EEF1AKMT4: variants seen among roughly 807,000 people sequenced by gnomAD.
EEF1AKMT4 encodes EEF1A lysine methyltransferase 4, also known as eukaryotic translation elongation factor 1 alpha lysine specific methyltransferase 4.
Under a neutral mutation model 23.0 loss-of-function variants are expected in EEF1AKMT4, and 17 were observed. The ratio of observed to expected loss-of-function variants is 0.74; its 90% CI spans 0.51 to 1.11. The LOEUF (loss-of-function observed/expected upper bound fraction) is 1.11. EEF1AKMT4 is among the 50% of genes least tolerant of loss of function. The pLI, the probability that EEF1AKMT4 is intolerant of heterozygous loss-of-function variation, is 0.00. For synonymous variants in EEF1AKMT4, 140 were observed against 141.4 expected (o/e 0.99, Z 0.07); for missense variants, 318 against 333.4 (o/e 0.95, Z 0.36).
chr3:184,249,750 G>A lies in EEF1AKMT4; in HGVS notation c.56G>A (p.Gly19Glu), dbSNP rs1330719313. 2.5e-6 allele frequency: 4 copies of A among 1,613,142 alleles called. No individual in the cohort carries two copies. The highest frequency in any genetic ancestry group is 2.2e-5 in the East Asian group (1 of 44,874). The change falls in exon 1 of 3, where the codon GGG (glycine) becomes GAG (glutamate). Residue 19 changes from glycine (G) to glutamate (E), a missense_variant. Transcript: ENST00000324557. ...CCGGAGTTACCGGAGCGGAACTGCG[G>A]GTACCGCGAAGTCGAGTACTGGGAT... ...APPELPERNC[G>E]YREVEYWDQR... is the part of the protein sequence containing the mutation.
intron 1 of EEF1AKMT4, among the ~76,000 whole-genome samples, chr3:184,256,105 G>A (rs532260799): frequency 1.2e-4 from 18 of 151,942 alleles, no homozygotes; most frequent in East Asian, 1.9e-4. Flanking sequence ...ATGAAACCCC[G>A]TCTCTATTAA....
intron 1 of EEF1AKMT4, among the ~76,000 whole-genome samples, chr3:184,255,337 T>C (rs1719752984): frequency 6.6e-6 from 1 of 152,204 alleles, no homozygotes; most frequent in Non-Finnish European, 1.5e-5. Flanking sequence ...CTAGGCAAGA[T>C]AGTTTTCCTT....
chr3:184,251,751 C>T (rs774243029), intron 1 of EEF1AKMT4, among the ~76,000 whole-genome samples: 13 of 152,152 alleles, frequency 8.5e-5, no homozygotes, highest in Non-Finnish European at 1.8e-4. Flanking sequence ...CCTTGGACTC[C>T]AGAGGCAGTG....
chr3:184,253,061 G>C (rs1232747893), intron 1 of EEF1AKMT4, among the ~76,000 whole-genome samples: 4 of 151,724 alleles, frequency 2.6e-5, no homozygotes, highest in Admixed American at 6.6e-5. Flanking sequence ...CATTGTCTTA[G>C]ATTGAGTTCC....
At position 184,258,482 on chromosome 3, in the gene EEF1AKMT4, G is replaced by A; in HGVS notation, c.675G>A (p.Gly225=). The A allele has an allele frequency of 6.2e-7, 1 of 1,613,670 alleles. No individual in the cohort carries two copies. Among genetic ancestry groups the A allele is most frequent in the Non-Finnish European group, 8.5e-7 (1 of 1,179,812 alleles). The change falls in exon 3 of 3, where the codon GGG becomes GGA. Residue 225 remains glycine, a synonymous_variant. Coordinates refer to ENST00000324557, the MANE Select transcript of EEF1AKMT4 (RefSeq NM_032331.4). ...GKLSVAQLAL[G]AQILSPPRPP... ...TCAGTGTGGCCCAGCTGGCTCTGGG[G>A]GCCCAAATCCTCTCACCCCCCAGAC...
At chr3:184,255,506 G>A (rs1719761064) in intron 1 of EEF1AKMT4, among the ~76,000 whole-genome samples, 1 of 152,174 alleles carries the variant, frequency 6.6e-6, no homozygotes, top group Non-Finnish European at 1.5e-5. Flanking sequence ...GGGATTAAAG[G>A]AAATCTAATC....
Position 184,249,849 on chromosome 3 carries a change from TAGAGCCGGAG to T in EEF1AKMT4, c.156_165del (p.Glu53CysfsTer10). 6.2e-7 allele frequency: 1 copy of T among 1,613,040 alleles called. No homozygotes were observed. Among genetic ancestry groups the T allele is most frequent in the Non-Finnish European group, 8.5e-7 (1 of 1,179,872 alleles). On this transcript the variant is annotated frameshift_variant, in exon 1 of 3. Transcript: ENST00000324557. LOFTEE classifies it high-confidence loss of function. ...GACTTCTCCTCCTTCCGTGCCCTCC[TAGAGCCGGAG>T]CTGCGGCCCGAGGACCGTATCCTTG...
intron 2 of EEF1AKMT4, 31 bp downstream of exon 2, chr3:184,257,787 C>A: frequency 6.3e-7 from 1 of 1,587,914 alleles, no homozygotes; most frequent in Non-Finnish European, 8.6e-7. Context: ...GAAAGCAGAT[C>A]AATAGGTGGG....
Position 184,258,488 on chromosome 3 carries a change from A to G in EEF1AKMT4, c.681A>G (p.Gln227=). The change falls in exon 3 of 3, where the codon CAA becomes CAG. Residue 227 remains glutamine, a synonymous_variant. Coordinates refer to ENST00000324557, the MANE Select transcript of EEF1AKMT4 (RefSeq NM_032331.4). ...LSVAQLALGA[Q]ILSPPRPPTS... is the part of the protein sequence containing the mutation. The stretch of plus-strand genomic sequence containing the variant: ...TGGCCCAGCTGGCTCTGGGGGCCCA[A>G]ATCCTCTCACCCCCCAGACCTCCCA... 1 of 1,613,680 alleles carries G rather than the reference A, an allele frequency of 6.2e-7. No homozygotes were observed. Among genetic ancestry groups the G allele is most frequent in the South Asian group, 1.1e-5 (1 of 91,066 alleles).
At chr3:184,254,804 T>G (rs1719725706) in intron 1 of EEF1AKMT4, among the ~76,000 whole-genome samples, 1 of 152,202 alleles carries the variant, frequency 6.6e-6, no homozygotes, top group East Asian at 1.9e-4. Context: ...TTGTTATAAA[T>G]TAGTAAATTG....
chr3:184,250,017 T>C, intron 1 of EEF1AKMT4, 127 bp downstream of exon 1: 2 of 1,038,876 alleles, frequency 1.9e-6, no homozygotes, highest in South Asian at 1.6e-5. Context: ...GGACGCGAGA[T>C]CCAGCTCCTT....
chr3:184,252,846 G>A (rs1719620730), intron 1 of EEF1AKMT4, among the ~76,000 whole-genome samples: 1 of 151,108 alleles, frequency 6.6e-6, no homozygotes, highest in Non-Finnish European at 1.5e-5. Flanking sequence ...CAGAGGCTGA[G>A]GCAAGAGAAT....
intron 1 of EEF1AKMT4, among the ~76,000 whole-genome samples, chr3:184,254,604 T>C (rs1221945231): frequency 6.7e-6 from 1 of 148,552 alleles, no homozygotes; most frequent in Non-Finnish European, 1.5e-5. Flanking sequence ...TCCCAGCTAC[T>C]CGGGAGGCTG....
At chr3:184,255,507 A>G (rs1256624389) in intron 1 of EEF1AKMT4, among the ~76,000 whole-genome samples, 1 of 152,178 alleles carries the variant, frequency 6.6e-6, no homozygotes, top group Admixed American at 6.5e-5. Flanking sequence ...GGATTAAAGG[A>G]AATCTAATCC....
chr3:184,249,823 G>A lies in EEF1AKMT4; in HGVS notation c.129G>A (p.Gly43=). ...AADSAPYDWF[G]DFSSFRALLE... ...ATTCTGCCCCCTACGATTGGTTCGG[G>A]GACTTCTCCTCCTTCCGTGCCCTCC... The change falls in exon 1 of 3, where the codon GGG becomes GGA. Residue 43 remains glycine, a synonymous_variant. Transcript: ENST00000324557. The A allele has an allele frequency of 1.2e-6, 2 of 1,613,354 alleles. No individual in the cohort carries two copies. The highest frequency in any genetic ancestry group is 1.7e-6 in the Non-Finnish European group (2 of 1,180,002).
chr3:184,252,278 A>T (rs1453038753), intron 1 of EEF1AKMT4, among the ~76,000 whole-genome samples: 1 of 152,156 alleles, frequency 6.6e-6, no homozygotes, highest in Non-Finnish European at 1.5e-5. Flanking sequence ...TTAACTGGGA[A>T]CTATCCTTTT....
Position 184,258,448 on chromosome 3 carries a change from G to A in EEF1AKMT4, c.641G>A (p.Gly214Asp), listed in dbSNP as rs1386402236. The change falls in exon 3 of 3, where the codon GGC (glycine) becomes GAC (aspartate). Residue 214 changes from glycine (G) to aspartate (D), a missense_variant. Coordinates refer to ENST00000324557, the MANE Select transcript of EEF1AKMT4 (RefSeq NM_032331.4). ...FHFHLYLMHK[G>D]GKLSVAQLAL... ...TTCCATCTCTACCTCATGCACAAGG[G>A]CGGGAAGCTCAGTGTGGCCCAGCTG... 6.2e-6 allele frequency: 10 copies of A among 1,613,788 alleles called. No individual in the cohort carries two copies. Among genetic ancestry groups the A allele is most frequent in the African/African-American group, 1.3e-5 (1 of 74,858 alleles).
rs780943390 is a variant in EEF1AKMT4 at position 184,258,366 on chromosome 3, G to A, written c.559G>A (p.Ala187Thr). 12 of 1,613,874 alleles carry A rather than the reference G, an allele frequency of 7.4e-6. No homozygotes were observed. In the South Asian group the frequency reaches 1.2e-4, roughly 16 times the overall value. Residue 187 changes from alanine to threonine, a missense_variant, in exon 3 of 3, where the codon GCC becomes ACC. Transcript: ENST00000324557. ...CCCCCACTTTCGGACCAGACACTAT[G>A]CCCAAGCCTATTATGGCTGGTCCCT... Reference protein sequence around the residue: ...AAPHFRTRHYAQAYYGWSLRH... With the variant: ...AAPHFRTRHYTQAYYGWSLRH...
rs192360045 is a variant in EEF1AKMT4 at position 184,256,950 on chromosome 3, G to A, written c.197-523G>A. On this transcript the variant is annotated intron_variant, in intron 1 of 2. Coordinates refer to ENST00000324557, the MANE Select transcript of EEF1AKMT4 (RefSeq NM_032331.4). Reference sequence around the variant, plus strand: ...CTCCCAAAGTGCTGGGATTACAGGCGTGAACCACCGTGCCTGGCCCCTAGC... The same window carrying A: ...CTCCCAAAGTGCTGGGATTACAGGCATGAACCACCGTGCCTGGCCCCTAGC... Among the ~76,000 whole-genome samples the A allele has an allele frequency of 3.4e-3, 525 of 152,216 alleles. 3 individuals are homozygous for A. Among genetic ancestry groups the A allele is most frequent in the African/African-American group, 0.012 (507 of 41,562 alleles).
Sources: allele counts gnomAD v4.1 joint callset (sites outside exome capture counted in the v4.1 genomes callset), GRCh38; gene constraint gnomAD v4.1.1; transcripts MANE v1.5; gene names NCBI Gene and HGNC (gene_info 2026-07-23, HGNC 2026-07-21).